TMEM38B: variants seen among roughly 807,000 people sequenced by gnomAD.
TMEM38B encodes the protein trimeric intracellular cation channel type B.
TMEM38B carries 24 observed loss-of-function variants against 28.7 expected under a neutral mutation model. The ratio of observed to expected loss-of-function variants is 0.84; its 90% confidence interval spans 0.61 to 1.18. The LOEUF is 1.18. Ranked by LOEUF, TMEM38B falls within the 50% of genes most tolerant of loss-of-function variation. The probability of loss-of-function intolerance (pLI) is 0.00; values close to 1 mark genes in which losing one functional copy is unlikely to be tolerated. For synonymous variants in TMEM38B, 131 were observed against 127.7 expected, an observed-to-expected ratio of 1.03 and a Z score of -0.17; for missense variants, 380 against 350.9, an observed-to-expected ratio of 1.08 and a Z score of -0.66.
intron 5 of TMEM38B, among the ~76,000 whole-genome samples, chr9:105,756,275 T>C (rs779952103): frequency 6.4e-4 from 97 of 152,350 alleles, no homozygotes; most frequent in Admixed American, 8.5e-4. Flanking sequence ...TCTTTAATTT[T>C]CTTGCCCAGT....
chr9:105,713,777 C>T (rs1251366287), intron 2 of TMEM38B, among the ~76,000 whole-genome samples: 1 of 152,192 alleles, frequency 6.6e-6, no homozygotes, highest in East Asian at 1.9e-4. Flanking sequence ...CCTGGGCCCA[C>T]CCATGGCTTC....
rs1352877755 is a variant in TMEM38B, at chr9:105,760,363, C to G, written c.660+12173C>G. On this transcript the variant is annotated intron_variant, in intron 5 of 5. Transcript: ENST00000374692. ...CTTACTGGATCATCATCAGGAAATT[C>G]TTCAAGTACCAACTTATTTACAGAC... 3 of 763,764 alleles carry G rather than the reference C, an allele frequency of 3.9e-6. No individual in the cohort carries two copies. In the African/African-American group the frequency reaches 5.1e-5, roughly 13 times the overall value. 47.3% of individuals were successfully genotyped at this position (763,764 alleles called of 1,614,324 possible). A position where few individuals can be genotyped will look rare whatever the true frequency, so the allele number is the denominator to read the frequency against.
At chr9:105,741,719 A>G (rs562759271) in intron 4 of TMEM38B, among the ~76,000 whole-genome samples, 1 of 152,220 alleles carries the variant, frequency 6.6e-6, no homozygotes, top group Non-Finnish European at 1.5e-5. Flanking sequence ...CCTGATGCTT[A>G]TAATAAAGTG....
chr9:105,696,557 A>G (rs575717843), intron 1 of TMEM38B, among the ~76,000 whole-genome samples: 1 of 152,356 alleles, frequency 6.6e-6, no homozygotes, highest in Admixed American at 6.5e-5. Context: ...AAAAATGAAA[A>G]CATGAAGAAC....
intron 4 of TMEM38B, among the ~76,000 whole-genome samples, chr9:105,724,541 T>G (rs934015304): frequency 4.0e-5 from 6 of 151,596 alleles, no homozygotes; most frequent in African/African-American, 1.5e-4. Flanking sequence ...GAGAATCACT[T>G]GAACCTGGGA....
chr9:105,707,968 C>G (rs1279499065), intron 2 of TMEM38B, among the ~76,000 whole-genome samples: 1 of 152,120 alleles, frequency 6.6e-6, no homozygotes, highest in Non-Finnish European at 1.5e-5. Context: ...TGTATAGATG[C>G]TGAAACTATA....
rs1369144048 is a variant in TMEM38B at position 105,694,545 on chromosome 9, C to T, written c.-116C>T. 3.1e-6 allele frequency: 2 copies of T among 651,086 alleles called. No individual in the cohort carries two copies. The highest frequency in any genetic ancestry group is 4.9e-6 in the Non-Finnish European group (2 of 408,942). The allele number at this position is 651,086 out of a possible 1,614,324, so 40.3% of individuals were successfully genotyped here. The stretch of plus-strand genomic sequence containing the variant: ...TCGGCGCCAGGGCGCACGCGCGGAG[C>T]TGGAGCCGGCGCGGAGGAGCGGGCG... On this transcript the variant is annotated 5_prime_UTR_variant, in exon 1 of 6. Coordinates refer to ENST00000374692, the MANE Select transcript of TMEM38B (RefSeq NM_018112.3).
intron 2 of TMEM38B, among the ~76,000 whole-genome samples, chr9:105,708,383 A>G (rs1454833259): frequency 1.3e-5 from 2 of 152,144 alleles, no homozygotes; most frequent in East Asian, 1.9e-4. Context: ...ATCCTCTGCT[A>G]TTTTATATAG....
intron 5 of TMEM38B, among the ~76,000 whole-genome samples, chr9:105,771,929 T>C (rs1826558336): frequency 6.6e-6 from 1 of 152,234 alleles, no homozygotes; most frequent in African/African-American, 2.4e-5. Context: ...TGTAAGCTCC[T>C]TGAGGGCAGG....
At chr9:105,752,891 C>A in intron 5 of TMEM38B, among the ~76,000 whole-genome samples, 1 of 152,108 alleles carries the variant, frequency 6.6e-6, no homozygotes, top group Non-Finnish European at 1.5e-5. Flanking sequence ...GGGGCATGTT[C>A]TAACCCAATG....
chr9:105,696,162 G>A (rs1482939426), intron 1 of TMEM38B, among the ~76,000 whole-genome samples: 3 of 152,208 alleles, frequency 2.0e-5, no homozygotes, highest in African/African-American at 7.2e-5. Context: ...GAAGGAAGTA[G>A]ATATGAGAAT....
At position 105,706,641 on chromosome 9, in the gene TMEM38B, C is replaced by CT. The variant is rs1835680474; in HGVS notation, c.269+890dup. 2.0e-5 allele frequency among the ~76,000 whole-genome samples: 3 copies of CT among 151,848 alleles called. No homozygotes were observed. The South Asian group carries it at 6.2e-4, about 32-fold the overall frequency. Reference sequence around the variant, plus strand: ...CAGGCATTTGTAAAACACCGTTATGCTTAAGAGGCAAGGGAAAGGAGTAAC... The same window carrying CT: ...CAGGCATTTGTAAAACACCGTTATGCTTTAAGAGGCAAGGGAAAGGAGTAAC... On this transcript the variant is annotated intron_variant, in intron 2 of 5. Transcript: ENST00000374692.
At chr9:105,762,244 T>C (rs1205560034) in intron 5 of TMEM38B, among the ~76,000 whole-genome samples, 1 of 151,710 alleles carries the variant, frequency 6.6e-6, no homozygotes, top group Admixed American at 6.6e-5. Context: ...AAACTGGCTA[T>C]AAATTTTTTT....
rs781575665 is a variant in TMEM38B at position 105,722,583 on chromosome 9, T to C, written c.504T>C (p.Asp168=). The C allele has an allele frequency of 3.7e-6, 6 of 1,613,714 alleles. No homozygotes were observed. The East Asian group carries it at 1.1e-4, about 30-fold the overall frequency. ...ATTTTGAGAGGTTGGTAAAAGGAGATTGGAAACCAGAAGGTGATGAATGGC... is the reference window on the plus strand; with the variant it reads ...ATTTTGAGAGGTTGGTAAAAGGAGACTGGAAACCAGAAGGTGATGAATGGC... ...ITNFERLVKG[D]WKPEGDEWLK... Residue 168 remains aspartate, a synonymous_variant, in exon 4 of 6, where the codon GAT becomes GAC. Transcript: ENST00000374692.
chr9:105,767,641 A>G (rs1261415065), intron 5 of TMEM38B, among the ~76,000 whole-genome samples: 4 of 152,072 alleles, frequency 2.6e-5, no homozygotes, highest in Admixed American at 2.6e-4. Context: ...TCATTGTTTT[A>G]TATGTATCTT....
At chr9:105,754,730 G>A (rs1837773777) in intron 5 of TMEM38B, among the ~76,000 whole-genome samples, 1 of 152,108 alleles carries the variant, frequency 6.6e-6, no homozygotes, top group Non-Finnish European at 1.5e-5. Flanking sequence ...AGAGAACCAA[G>A]AGGAAACCCC....
chr9:105,711,010 C>T (rs1263495325), intron 2 of TMEM38B, among the ~76,000 whole-genome samples: 1 of 151,916 alleles, frequency 6.6e-6, no homozygotes, highest in African/African-American at 2.4e-5. Context: ...TTTTTAAATG[C>T]AAAATTTCAA....
rs529129371 is a variant in TMEM38B at position 105,732,487 on chromosome 9, A to G, written c.542+9866A>G. ...ATCCATCTTGAATTAATTTTTGTAT[A>G]AGGTGTAAGGAAGGGATGCAGTTTC... On this transcript the variant is annotated intron_variant, in intron 4 of 5. Transcript: ENST00000374692. Among the ~76,000 whole-genome samples the G allele has an allele frequency of 2.0e-5, 3 of 152,310 alleles. No homozygotes were observed. The South Asian group carries it at 6.2e-4, about 32-fold the overall frequency.
At position 105,762,707 on chromosome 9, in the gene TMEM38B, G is replaced by T. The variant is rs903110123; in HGVS notation, c.661-11158G>T. ...AGTCTTTGCTATTGTGAATAATGCC[G>T]CAATAAACATACATGTGCATGTGTC... On this transcript the variant is annotated intron_variant, in intron 5 of 5. Transcript: ENST00000374692. 1.1e-3 allele frequency among the ~76,000 whole-genome samples: 155 copies of T among 140,934 alleles called. 3 individuals carry two copies. Among genetic ancestry groups the T allele is most frequent in the African/African-American group, 3.9e-3 (144 of 36,768 alleles). 92.5% of individuals were successfully genotyped at this position (140,934 alleles called of 152,430 possible). A position where few individuals can be genotyped will look rare whatever the true frequency, so the allele number is the denominator to read the frequency against.
Sources: gnomAD v4.1 joint callset for allele counts (sites outside exome capture counted in the v4.1 genomes callset) on GRCh38, gnomAD v4.1.1 for gene constraint, MANE v1.5 for transcripts, NCBI Gene and HGNC (gene_info 2026-07-23, HGNC 2026-07-21) for gene names.